The following GFRA1 variants were observed in gnomAD, a reference collection of about 807,000 sequenced individuals.
The protein encoded by GFRA1 is GDNF family receptor alpha 1, also known as GDNF family receptor alpha-1.
Under a neutral mutation model 51.6 loss-of-function variants are expected in GFRA1, and 16 were observed. That is an observed-to-expected ratio of 0.31 (90% CI 0.21 to 0.47). GFRA1 has a LOEUF of 0.47. GFRA1 is among the 20% of genes least tolerant of loss of function. The pLI is 1.00. For missense variants in GFRA1, 530 were observed against 594.3 expected (o/e 0.89, Z 1.13); for synonymous variants, 270 against 241.3 (o/e 1.12, Z -1.10).
At chr10:116,194,320 C>A (rs1245676401) in intron 5 of GFRA1, among the ~76,000 whole-genome samples, 1 of 152,152 alleles carries the variant, frequency 6.6e-6, no homozygotes, top group Non-Finnish European at 1.5e-5. Context: ...GATAGGCAAG[C>A]AAACAAAGCC....
At chr10:116,176,190 C>T (rs7897207) in intron 5 of GFRA1, among the ~76,000 whole-genome samples, 124,180 of 152,148 alleles carry the variant, frequency 0.82, 50,916 homozygotes, top group Middle Eastern at 0.89. Flanking sequence ...GAGCCTACTA[C>T]GTGTCGGCGC....
At chr10:116,070,613 T>C (rs182251374) in intron 9 of GFRA1, among the ~76,000 whole-genome samples, 1 of 152,188 alleles carries the variant, frequency 6.6e-6, no homozygotes, top group Non-Finnish European at 1.5e-5. Context: ...AAGACTTCAA[T>C]AGGTAATACT....
At chr10:116,217,788 G>A (rs1589881758) in intron 4 of GFRA1, among the ~76,000 whole-genome samples, 1 of 152,226 alleles carries the variant, frequency 6.6e-6, no homozygotes, top group South Asian at 2.1e-4. Context: ...TTTTTGCGGA[G>A]ACAAAATTTG....
intron 5 of GFRA1, among the ~76,000 whole-genome samples, chr10:116,162,685 A>G (rs1275091271): frequency 1.3e-5 from 2 of 152,246 alleles, no homozygotes; most frequent in Non-Finnish European, 2.9e-5. Flanking sequence ...TTAAAAGACA[A>G]TTATACATTG....
At chr10:116,087,071 G>A (rs2530346) in intron 9 of GFRA1, among the ~76,000 whole-genome samples, 69,168 of 152,148 alleles carry the variant, frequency 0.45, 16,943 homozygotes, top group East Asian at 0.87. Flanking sequence ...TTCTGTTTAG[G>A]AAGCAGAGTT....
rs918321525 is a variant in GFRA1 at position 116,061,731 on chromosome 10, G to A, written c.*2667C>T. ...TGGCACCCCAAATGCCCGGACTGAA[G>A]GACAGGAAGTAGCGAATCATTTTTG... On this transcript the variant is annotated 3_prime_UTR_variant, in exon 11 of 11. Coordinates refer to ENST00000355422, the MANE Select transcript of GFRA1 (RefSeq NM_005264.8). 2 of 339,408 alleles carry A rather than the reference G, an allele frequency of 5.9e-6. No individual in the cohort carries two copies. Among genetic ancestry groups the A allele is most frequent in the African/African-American group, 4.2e-5 (2 of 47,430 alleles). 21.0% of individuals were successfully genotyped at this position (339,408 alleles called of 1,614,324 possible).
intron 9 of GFRA1, among the ~76,000 whole-genome samples, chr10:116,074,871 C>G (rs1490618471): frequency 2.6e-5 from 4 of 152,130 alleles, no homozygotes; most frequent in Non-Finnish European, 5.9e-5. Flanking sequence ...GCTAGAAGTC[C>G]TAAGGATAAA....
At chr10:116,235,305 G>T (rs936151372) in intron 4 of GFRA1, among the ~76,000 whole-genome samples, 7 of 152,144 alleles carry the variant, frequency 4.6e-5, no homozygotes, top group African/African-American at 1.4e-4. Flanking sequence ...TTAGGCTGTT[G>T]AAGTTTGGTT....
chr10:116,213,315 T>C (rs1245678840), intron 4 of GFRA1, among the ~76,000 whole-genome samples: 1 of 152,208 alleles, frequency 6.6e-6, no homozygotes, highest in Non-Finnish European at 1.5e-5. Flanking sequence ...CAGTGGATTA[T>C]TGTGCAGCTG....
intron 9 of GFRA1, among the ~76,000 whole-genome samples, chr10:116,077,029 C>T (rs927601530): frequency 1.3e-5 from 2 of 152,104 alleles, no homozygotes; most frequent in Non-Finnish European, 2.9e-5. Flanking sequence ...GAATAGTAAA[C>T]TATGAGTTAT....
At chr10:116,195,591 G>A (rs867014437) in intron 5 of GFRA1, among the ~76,000 whole-genome samples, 12 of 152,314 alleles carry the variant, frequency 7.9e-5, no homozygotes, top group African/African-American at 2.2e-4. Context: ...AAGCTCTGGC[G>A]GTAATGCTCT....
At chr10:116,182,899 C>CA (rs1962368791) in intron 5 of GFRA1, among the ~76,000 whole-genome samples, 1 of 152,162 alleles carries the variant, frequency 6.6e-6, no homozygotes, top group African/African-American at 2.4e-5. Context: ...AAGACATCTC[C>CA]AGATGCTGGT....
intron 6 of GFRA1, among the ~76,000 whole-genome samples, chr10:116,110,291 T>C (rs2694805): frequency 0.44 from 67,347 of 151,872 alleles, 15,098 homozygotes; most frequent in African/African-American, 0.48. Flanking sequence ...CACTGGGCTA[T>C]GGGCTTTAAT....
At chr10:116,095,289 T>A (rs1956524384) in intron 7 of GFRA1, among the ~76,000 whole-genome samples, 1 of 152,226 alleles carries the variant, frequency 6.6e-6, no homozygotes, top group Non-Finnish European at 1.5e-5. Context: ...ACCTATTACA[T>A]CTCACGTCCA....
At chr10:116,264,219 C>T (rs575399726) in intron 4 of GFRA1, among the ~76,000 whole-genome samples, 19 of 152,300 alleles carry the variant, frequency 1.2e-4, no homozygotes, top group Middle Eastern at 3.4e-3. Context: ...GGGACCAACA[C>T]TGGCTCCCCC....
At chr10:116,159,888 C>T (rs1300548816) in intron 5 of GFRA1, among the ~76,000 whole-genome samples, 1 of 152,240 alleles carries the variant, frequency 6.6e-6, no homozygotes, top group Non-Finnish European at 1.5e-5. Context: ...CACAGCTTAT[C>T]AATCATATAA....
Position 116,096,784 on chromosome 10 carries a change from G to GT in GFRA1, c.771-21dup. 7.4e-7 allele frequency: 1 copy of GT among 1,354,696 alleles called. No homozygotes were observed. The highest frequency in any genetic ancestry group is 1.1e-6 in the Non-Finnish European group (1 of 947,774). The allele number at this position is 1,354,696 out of a possible 1,614,324, so 83.9% of individuals were successfully genotyped here. A position where few individuals can be genotyped will look rare whatever the true frequency, so the allele number is the denominator to read the frequency against. ...CGAGATCTACAATAGGAAAAAAGGG[G>GT]TGGGGGGTGGAAATGTGCTTTAAAA... On this transcript the variant is annotated intron_variant, in intron 6 of 10. Transcript: ENST00000355422.
rs146572222 is a variant in GFRA1, at chr10:116,166,453, G to A, written c.434-40896C>T. Among the ~76,000 whole-genome samples, 29 of 152,258 alleles carry A rather than the reference G, an allele frequency of 1.9e-4. No homozygotes were observed. In the East Asian group the frequency reaches 2.7e-3, roughly 14 times the overall value. On this transcript the variant is annotated intron_variant, in intron 5 of 10. Transcript: ENST00000355422. ...CACCACTGCTCCTGGGTCTACAACC[G>A]TTCCGTGGGACCACTTCACTTCTCT...
intron 5 of GFRA1, among the ~76,000 whole-genome samples, chr10:116,151,597 A>G (rs1198503776): frequency 2.0e-5 from 3 of 152,142 alleles, no homozygotes; most frequent in Non-Finnish European, 4.4e-5. Flanking sequence ...GTAAGCTCCA[A>G]TGGGAAAATA....
Sources: gnomAD v4.1 joint callset for allele counts (sites outside exome capture counted in the v4.1 genomes callset) on GRCh38, gnomAD v4.1.1 for gene constraint, MANE v1.5 for transcripts, NCBI Gene and HGNC (gene_info 2026-07-23, HGNC 2026-07-21) for gene names.